The following TACC2 variants were observed in gnomAD, a reference collection of about 807,000 sequenced individuals.
TACC2 encodes transforming acidic coiled-coil containing protein 2, also known as transforming acidic coiled-coil-containing protein 2.
In TACC2, 137 loss-of-function variants were observed where a neutral mutation model predicts 227.3. The ratio of observed to expected loss-of-function variants is 0.60; its 90% confidence interval spans 0.52 to 0.69. The LOEUF (loss-of-function observed/expected upper bound fraction) is 0.69. Among genes scored for constraint, TACC2 ranks in the 30% least tolerant of loss-of-function variants. TACC2 has a pLI of 0.00. For missense variants in TACC2, 3,470 were observed against 3,694.4 expected (o/e 0.94, Z 1.57); for synonymous variants, 1,523 against 1,487.5 (o/e 1.02, Z -0.55).
At chr10:122,032,052 T>C (rs1034077089) in intron 2 of TACC2, among the ~76,000 whole-genome samples, 2 of 152,104 alleles carry the variant, frequency 1.3e-5, no homozygotes. Context: ...GCGACCCTGA[T>C]TGTGTCATGT....
chr10:122,095,143 G>C (rs2081247408), intron 5 of TACC2, among the ~76,000 whole-genome samples: 1 of 152,206 alleles, frequency 6.6e-6, no homozygotes, highest in South Asian at 2.1e-4. Flanking sequence ...TTTCCCCCCA[G>C]ATGCCTGTGC....
At chr10:122,034,669 C>T (rs574736375) in intron 2 of TACC2, among the ~76,000 whole-genome samples, 40 of 152,256 alleles carry the variant, frequency 2.6e-4, no homozygotes, top group African/African-American at 7.7e-4. Context: ...CAGTGGCTCA[C>T]GCCTGTAATC....
intron 9 of TACC2, chr10:122,213,269 A>C: frequency 6.8e-7 from 1 of 1,474,286 alleles, no homozygotes; most frequent in Non-Finnish European, 9.4e-7. Flanking sequence ...ATTAATAACC[A>C]GTTGTCTGCA....
At chr10:122,025,959 A>G (rs1957943864) in intron 2 of TACC2, among the ~76,000 whole-genome samples, 1 of 151,882 alleles carries the variant, frequency 6.6e-6, no homozygotes, top group African/African-American at 2.4e-5. Flanking sequence ...TAGTTTGCAG[A>G]TATTTTCTTC....
In TACC2 at chr10:122,152,701, C is replaced by T. The variant is rs115934435; in HGVS notation, c.5834+8995C>T. Among the ~76,000 whole-genome samples, 891 of 152,292 alleles carry T rather than the reference C, an allele frequency of 5.9e-3. 7 individuals are homozygous for T. The highest frequency in any genetic ancestry group is 0.02 in the African/African-American group (851 of 41,564). On this transcript the variant is annotated intron_variant, in intron 7 of 22. Coordinates refer to ENST00000369005, the MANE Select transcript of TACC2 (RefSeq NM_206862.4). Reference sequence around the variant, plus strand: ...TGCCAACACAGCCTGAGACATCTGTCCAGACTGACGTAGTTGGGGAAATGG... The same window carrying T: ...TGCCAACACAGCCTGAGACATCTGTTCAGACTGACGTAGTTGGGGAAATGG...
At position 122,084,093 on chromosome 10, in the gene TACC2, AC is replaced by A. The variant is rs759133015; in HGVS notation, c.1598del (p.Pro533LeufsTer78). The A allele has an allele frequency of 4.3e-6, 7 of 1,613,516 alleles. No homozygotes were observed. Among genetic ancestry groups the A allele is most frequent in the African/African-American group, 4.0e-5 (3 of 74,774 alleles). Reference protein sequence around the residue: ...QSHEVQPGAPPPPLPKAPSES... With the variant: ...QSHEVQPGAPXPPLPKAPSES... ...GCCATGAGGTCCAACCAGGAGCACC[AC>A]CCCCTCCTCTTCCCAAGGCACCAAG... On this transcript the variant is annotated frameshift_variant, in exon 4 of 23. Transcript: ENST00000369005. LOFTEE classifies it high-confidence loss of function.
At chr10:122,028,746 T>TCCCCTCC (rs1565106830) in intron 2 of TACC2, among the ~76,000 whole-genome samples, 1 of 71,372 alleles carries the variant, frequency 1.4e-5, no homozygotes, top group African/African-American at 4.7e-5. Context: ...CCCTCCCCTC[T>TCCCCTCC]CCTCCCTTCC....
chr10:122,203,854 CCA>C (rs2094989665), intron 8 of TACC2, among the ~76,000 whole-genome samples: 1 of 150,862 alleles, frequency 6.6e-6, no homozygotes, highest in Non-Finnish European at 1.5e-5. Context: ...CCACTGCACT[CCA>C]GCCTTGGCAC....
In TACC2 at chr10:122,196,315, C is replaced by T. The variant is rs151073660; in HGVS notation, c.5971+1139C>T. Among the ~76,000 whole-genome samples, 606 of 152,346 alleles carry T rather than the reference C, an allele frequency of 4.0e-3. 5 individuals are homozygous for T. The highest frequency in any genetic ancestry group is 0.014 in the African/African-American group (583 of 41,582). The stretch of plus-strand genomic sequence containing the variant: ...GTTCCTAAACCAGCAAACCCCCGTG[C>T]TGGGACAAGGGGGCAGGACAGTTTT... On this transcript the variant is annotated intron_variant, in intron 8 of 22. Coordinates refer to ENST00000369005, the MANE Select transcript of TACC2 (RefSeq NM_206862.4).
Position 122,148,097 on chromosome 10 carries a change from ATTTTTTTTTTTTT to A in TACC2, c.5834+4403_5834+4415del, listed in dbSNP as rs1172285538. Among the ~76,000 whole-genome samples, 7 of 131,446 alleles carry A rather than the reference ATTTTTTTTTTTTT, an allele frequency of 5.3e-5. No homozygotes were observed. The East Asian group carries it at 1.5e-3, about 28-fold the overall frequency. The allele number at this position is 131,446 out of a possible 152,430, so 86.2% of individuals were successfully genotyped here. A position where few individuals can be genotyped will look rare whatever the true frequency, so the allele number is the denominator to read the frequency against. ...CGTTATTCACCCAGGCTGAGCCAGA[ATTTTTTTTTTTTT>A]TTTTTTTTTTTAGGCAGAGTTTCGC... On this transcript the variant is annotated intron_variant, in intron 7 of 22. Transcript: ENST00000369005.
At chr10:122,196,546 C>T (rs1445292077) in intron 8 of TACC2, among the ~76,000 whole-genome samples, 2 of 152,192 alleles carry the variant, frequency 1.3e-5, no homozygotes, top group African/African-American at 4.8e-5. Context: ...GCATCGTTTG[C>T]ATCTCTTCCT....
chr10:122,242,075 G>A (rs1335280243), intron 19 of TACC2, 74 bp downstream of exon 19: 4 of 1,395,530 alleles, frequency 2.9e-6, no homozygotes, highest in Non-Finnish European at 4.1e-6. Flanking sequence ...TGGAAGATAG[G>A]AGGCTCAGAG....
In TACC2 at chr10:122,031,256, C is replaced by T. The variant is rs531400949; in HGVS notation, c.33+9242C>T. 3.3e-5 allele frequency among the ~76,000 whole-genome samples: 5 copies of T among 152,238 alleles called. No individual in the cohort carries two copies. The South Asian group carries it at 8.3e-4, about 25-fold the overall frequency. On this transcript the variant is annotated intron_variant, in intron 2 of 22. Coordinates refer to ENST00000369005, the MANE Select transcript of TACC2 (RefSeq NM_206862.4). ...CTGAGTCCAGAGATTCAAAAGATGG[C>T]TCTGGGGATCCCTCTCACTGGATTG... is the stretch of plus-strand genomic sequence containing the variant.
rs201040329 is a variant in TACC2, at chr10:122,082,752, A to C, written c.252A>C (p.Pro84=). ...AGGTGACTGAGCCAAGGAAGGACCC[A>C]CAGGGAGCCAGGGGGCCAGAAGGTT... The part of the protein sequence containing the change: ...SPEVTEPRKD[P]QGARGPEGSL... Residue 84 remains proline (P), a synonymous_variant, in exon 4 of 23, where the codon CCA becomes CCC. Transcript: ENST00000369005. 25 of 1,614,026 alleles carry C rather than the reference A, an allele frequency of 1.5e-5. No homozygotes were observed. The East Asian group carries it at 5.1e-4, about 33-fold the overall frequency.
At chr10:122,159,332 C>G (rs1592734027) in intron 7 of TACC2, among the ~76,000 whole-genome samples, 2 of 152,212 alleles carry the variant, frequency 1.3e-5, no homozygotes, top group South Asian at 4.1e-4. Flanking sequence ...GAGCATCCAT[C>G]CTGGGACTGT....
At chr10:122,058,373 G>A (rs778014237) in intron 3 of TACC2, among the ~76,000 whole-genome samples, 2 of 152,044 alleles carry the variant, frequency 1.3e-5, no homozygotes, top group Non-Finnish European at 2.9e-5. Flanking sequence ...CCCAGCCTGC[G>A]GGATGGATGG....
chr10:122,111,653 G>A (rs918942040), intron 5 of TACC2, among the ~76,000 whole-genome samples: 1 of 128,810 alleles, frequency 7.8e-6, no homozygotes, highest in African/African-American at 2.9e-5. Flanking sequence ...ATCATGCCCA[G>A]CTATTTTTTT....
intron 7 of TACC2, among the ~76,000 whole-genome samples, chr10:122,162,310 G>C (rs1339635779): frequency 6.6e-6 from 1 of 152,102 alleles, no homozygotes; most frequent in African/African-American, 2.4e-5. Flanking sequence ...AAACATCCTT[G>C]GCCACGTCGC....
Position 122,084,343 on chromosome 10 carries a change from C to T in TACC2, c.1843C>T (p.Leu615Phe), listed in dbSNP as rs1460212228. ...TGATCCAGAAGTAGGCAAAGATGAGCTTTCAAAGCCAAGCAGTGATGCAGA... is the reference window on the plus strand; with the variant it reads ...TGATCCAGAAGTAGGCAAAGATGAGTTTTCAAAGCCAAGCAGTGATGCAGA... ...KRDPEVGKDE[L>F]SKPSSDAESR... Residue 615 changes from leucine to phenylalanine, a missense_variant, in exon 4 of 23, where the codon CTT (leucine) becomes TTT (phenylalanine). Leu to Phe is a conservative substitution (Grantham distance 22, BLOSUM62 0). Around this residue, in one of 10 missense-constraint regions of TACC2, gnomAD observed 1,924 missense variants for 1,978.3 expected, o/e 0.97. Coordinates refer to ENST00000369005, the MANE Select transcript of TACC2 (RefSeq NM_206862.4). 1 of 1,613,794 alleles carries T rather than the reference C, an allele frequency of 6.2e-7. No individual in the cohort carries two copies. The highest frequency in any genetic ancestry group is 8.5e-7 in the Non-Finnish European group (1 of 1,180,044).
Sources: allele counts gnomAD v4.1 joint callset (sites outside exome capture counted in the v4.1 genomes callset), GRCh38; gene constraint gnomAD v4.1.1; regional missense constraint gnomAD v4.1.1; transcripts MANE v1.5; gene names NCBI Gene and HGNC (gene_info 2026-07-23, HGNC 2026-07-21).